CNTNAP2: variants seen among roughly 807,000 people sequenced by gnomAD.
CNTNAP2 encodes contactin associated protein 2, also known as contactin-associated protein-like 2.
In CNTNAP2, 98 loss-of-function variants were observed where a neutral mutation model predicts 155.2. That is an observed-to-expected ratio of 0.63 (90% CI 0.54 to 0.75). The LOEUF is 0.75. CNTNAP2 is among the 30% of genes least tolerant of loss of function. The pLI is 0.00. For synonymous variants in CNTNAP2, 651 were observed against 631.2 expected, an observed-to-expected ratio of 1.03 and a Z score of -0.47; for missense variants, 1,727 against 1,688.1, an observed-to-expected ratio of 1.02 and a Z score of -0.40.
chr7:147,324,437 A>G (rs540613882), intron 9 of CNTNAP2, among the ~76,000 whole-genome samples: 48 of 152,328 alleles, frequency 3.2e-4, no homozygotes, highest in African/African-American at 1.1e-3. Context: ...GCATCATGCC[A>G]CATCAGATAT....
At chr7:146,788,656 C>G (rs1802620306) in intron 2 of CNTNAP2, among the ~76,000 whole-genome samples, 1 of 152,136 alleles carries the variant, frequency 6.6e-6, no homozygotes, top group African/African-American at 2.4e-5. Flanking sequence ...ATAAGCACTT[C>G]TCATTGGTCT....
intron 9 of CNTNAP2, among the ~76,000 whole-genome samples, chr7:147,369,610 T>TCAAAATTA (rs1796308516): frequency 6.6e-6 from 1 of 152,216 alleles, no homozygotes; most frequent in South Asian, 2.1e-4. Context: ...ATGGTCTCTG[T>TCAAAATTA]CAAAATTACT....
At chr7:147,485,688 C>G (rs1399046581) in intron 10 of CNTNAP2, among the ~76,000 whole-genome samples, 1 of 152,164 alleles carries the variant, frequency 6.6e-6, no homozygotes, top group African/African-American at 2.4e-5. Flanking sequence ...GTAAATCCCT[C>G]AGTTGTTTGT....
intron 3 of CNTNAP2, among the ~76,000 whole-genome samples, chr7:146,983,501 C>T (rs1051587077): frequency 6.6e-6 from 1 of 152,212 alleles, no homozygotes; most frequent in Non-Finnish European, 1.5e-5. Context: ...AGAGTTGCTT[C>T]AGGATGCCTC....
chr7:147,825,224 C>T (rs1798427722), intron 13 of CNTNAP2, among the ~76,000 whole-genome samples: 1 of 152,078 alleles, frequency 6.6e-6, no homozygotes, highest in Non-Finnish European at 1.5e-5. Context: ...ACAATATATA[C>T]TTATTTGTCT....
intron 1 of CNTNAP2, among the ~76,000 whole-genome samples, chr7:146,242,777 A>G (rs1444057779): frequency 6.6e-6 from 1 of 152,208 alleles, no homozygotes; most frequent in Non-Finnish European, 1.5e-5. Context: ...AAATTAATTC[A>G]TCATAAAATA....
chr7:147,858,091 C>CT (rs1195881211), intron 13 of CNTNAP2, among the ~76,000 whole-genome samples: 1 of 152,054 alleles, frequency 6.6e-6, no homozygotes, highest in Non-Finnish European at 1.5e-5. Context: ...TGAAAATACT[C>CT]TTTTTTTCTT....
intron 1 of CNTNAP2, among the ~76,000 whole-genome samples, chr7:146,420,864 G>C (rs968722230): frequency 2.0e-5 from 3 of 152,058 alleles, no homozygotes; most frequent in Non-Finnish European, 4.4e-5. Flanking sequence ...TAGGCACTCA[G>C]ATCTATCTTT....
chr7:146,590,302 C>T (rs937330120), intron 1 of CNTNAP2, among the ~76,000 whole-genome samples: 1 of 152,090 alleles, frequency 6.6e-6, no homozygotes, highest in Admixed American at 6.6e-5. Context: ...GGAATGTCTG[C>T]TCTAATATGA....
intron 13 of CNTNAP2, among the ~76,000 whole-genome samples, chr7:147,814,673 C>T (rs916086945): frequency 3.9e-5 from 6 of 152,116 alleles, no homozygotes; most frequent in Non-Finnish European, 8.8e-5. Context: ...CATCGGGAAA[C>T]TCATCACCAT....
At chr7:148,364,541 C>T (rs529857938) in intron 21 of CNTNAP2, among the ~76,000 whole-genome samples, 1 of 152,164 alleles carries the variant, frequency 6.6e-6, no homozygotes, top group East Asian at 1.9e-4. Flanking sequence ...CAATCAGCAC[C>T]CTGTGTTTAG....
At chr7:146,659,133 G>C (rs1800042576) in intron 1 of CNTNAP2, among the ~76,000 whole-genome samples, 1 of 152,166 alleles carries the variant, frequency 6.6e-6, no homozygotes, top group Non-Finnish European at 1.5e-5. Context: ...CGTTGGCAAG[G>C]GAGTCTTAGA....
At chr7:148,107,705 A>G (rs147015038) in intron 15 of CNTNAP2, among the ~76,000 whole-genome samples, 163 of 152,374 alleles carry the variant, frequency 1.1e-3, no homozygotes, top group Middle Eastern at 6.8e-3. Flanking sequence ...ATTGTTGTCC[A>G]CAGTCCCCAG....
chr7:146,719,223 T>A (rs1046217279), intron 1 of CNTNAP2, among the ~76,000 whole-genome samples: 1 of 152,174 alleles, frequency 6.6e-6, no homozygotes, highest in African/African-American at 2.4e-5. Flanking sequence ...TTTATTTGAA[T>A]CTTTCAGCCC....
chr7:147,968,313 C>G (rs1053693516), intron 14 of CNTNAP2, among the ~76,000 whole-genome samples: 1 of 152,222 alleles, frequency 6.6e-6, no homozygotes, highest in African/African-American at 2.4e-5. Flanking sequence ...ACTATTCTCA[C>G]TGAAAAGCAG....
chr7:147,409,127 G>A (rs376325611), intron 10 of CNTNAP2, among the ~76,000 whole-genome samples: 8 of 152,188 alleles, frequency 5.3e-5, no homozygotes, highest in African/African-American at 1.4e-4. Context: ...TGGGTCTACC[G>A]GTTAGGGTAA....
intron 14 of CNTNAP2, among the ~76,000 whole-genome samples, chr7:147,908,769 C>T (rs571788834): frequency 6.6e-6 from 1 of 152,280 alleles, no homozygotes; most frequent in African/African-American, 2.4e-5. Flanking sequence ...AAATCTCATG[C>T]TTTTAGATGC....
intron 8 of CNTNAP2, among the ~76,000 whole-genome samples, chr7:147,187,190 T>C (rs1306538073): frequency 6.6e-6 from 1 of 151,892 alleles, no homozygotes; most frequent in Non-Finnish European, 1.5e-5. Context: ...GAAACAGTGG[T>C]GGTGGAGATG....
intron 4 of CNTNAP2, chr7:147,097,735 A>T (rs1159265952): frequency 1.3e-5 from 2 of 152,256 alleles, no homozygotes; most frequent in Non-Finnish European, 2.9e-5. Context: ...AGGATAGCGC[A>T]TAGAAATTTT....
Sources: gnomAD v4.1 joint callset for allele counts (sites outside exome capture counted in the v4.1 genomes callset) on GRCh38, gnomAD v4.1.1 for gene constraint, MANE v1.5 for transcripts, NCBI Gene and HGNC (gene_info 2026-07-23, HGNC 2026-07-21) for gene names.